Variants in SDK2 observed in about 807,000 individuals in gnomAD.
SDK2 encodes sidekick cell adhesion molecule 2.
SDK2 carries 105 observed loss-of-function variants against 253.9 expected under a neutral mutation model. The ratio of observed to expected loss-of-function variants is 0.41; its 90% confidence interval spans 0.35 to 0.49. The LOEUF is 0.49. Among genes scored for constraint, SDK2 ranks in the 20% least tolerant of loss-of-function variants. SDK2 has a pLI of 0.06. For missense variants in SDK2, 2,608 were observed against 3,003.0 expected (o/e 0.87, Z 3.07); for synonymous variants, 1,249 against 1,234.9 (o/e 1.01, Z -0.24).
chr17:73,450,535 G>A (rs902285444), intron 4 of SDK2, among the ~76,000 whole-genome samples: 7 of 152,168 alleles, frequency 4.6e-5, no homozygotes, highest in African/African-American at 1.7e-4. Flanking sequence ...CAAGCCTCCA[G>A]TGGGCACACT....
chr17:73,637,490 T>C (rs1228531981), intron 1 of SDK2, among the ~76,000 whole-genome samples: 1 of 152,216 alleles, frequency 6.6e-6, no homozygotes, highest in African/African-American at 2.4e-5. Context: ...GCAATTCTCC[T>C]GCCTCAGCCT....
intron 44 of SDK2, among the ~76,000 whole-genome samples, chr17:73,343,245 G>A (rs1234567463): frequency 2.0e-5 from 3 of 152,252 alleles, no homozygotes; most frequent in African/African-American, 7.2e-5. Context: ...CACTAGAAGG[G>A]AGAGCAGGGA....
chr17:73,403,826 G>A (rs949826167), intron 18 of SDK2, among the ~76,000 whole-genome samples: 1 of 152,090 alleles, frequency 6.6e-6, no homozygotes, highest in Admixed American at 6.5e-5. Flanking sequence ...AATATCCTCC[G>A]TATTTCGATT....
At chr17:73,485,576 A>G (rs571038556) in intron 2 of SDK2, among the ~76,000 whole-genome samples, 7 of 152,188 alleles carry the variant, frequency 4.6e-5, no homozygotes, top group Non-Finnish European at 1.0e-4. Context: ...GAGCTTAGCA[A>G]ACTATATTCA....
intron 1 of SDK2, among the ~76,000 whole-genome samples, chr17:73,626,790 C>T (rs762738783): frequency 9.2e-5 from 14 of 152,174 alleles, no homozygotes; most frequent in Non-Finnish European, 2.1e-4. Context: ...TGGGGACAGG[C>T]CTGAGGTTGT....
At chr17:73,595,623 G>A (rs2045746645) in intron 1 of SDK2, among the ~76,000 whole-genome samples, 2 of 152,222 alleles carry the variant, frequency 1.3e-5, no homozygotes, top group Non-Finnish European at 1.5e-5. Flanking sequence ...GCCCAGGCCA[G>A]GCCCAGATGG....
In SDK2 at chr17:73,643,586, C is replaced by G. The variant is rs1377912421; in HGVS notation, c.64+439G>C. On this transcript the variant is annotated intron_variant, in intron 1 of 44. Transcript: ENST00000392650. This position sits in a 1 kb window ranked among gnomAD's most constrained non-coding sequence, Gnocchi z 6.9. Reference sequence around the variant, plus strand: ...ACCCCACTCCCTCGCCCCGGGGAGGCCATCGCCTGCCCGGCAGGGGCCCTG... The same window carrying G: ...ACCCCACTCCCTCGCCCCGGGGAGGGCATCGCCTGCCCGGCAGGGGCCCTG... Among the ~76,000 whole-genome samples the G allele has an allele frequency of 6.6e-6, 1 of 152,034 alleles. No individual in the cohort carries two copies. Among genetic ancestry groups the G allele is most frequent in the Non-Finnish European group, 1.5e-5 (1 of 67,972 alleles).
At chr17:73,417,762 G>A (rs530359551) in intron 16 of SDK2, among the ~76,000 whole-genome samples, 2 of 152,146 alleles carry the variant, frequency 1.3e-5, no homozygotes, top group Admixed American at 1.3e-4. Context: ...AAACACCTGG[G>A]CTACCTACTC....
chr17:73,529,211 C>T (rs1301419794), intron 1 of SDK2, among the ~76,000 whole-genome samples: 3 of 152,044 alleles, frequency 2.0e-5, no homozygotes, highest in Non-Finnish European at 4.4e-5. Flanking sequence ...GAGTGGGAAC[C>T]GGGGAGTCCT....
At chr17:73,477,207 C>T (rs2063692265) in intron 2 of SDK2, among the ~76,000 whole-genome samples, 1 of 152,204 alleles carries the variant, frequency 6.6e-6, no homozygotes, top group Non-Finnish European at 1.5e-5. Flanking sequence ...CCAATGCGCT[C>T]CCTCCTGGGC....
rs1599509366 is a variant in SDK2, at chr17:73,386,457, T to C, written c.4486A>G (p.Thr1496Ala). ...EFSEESESLT[T>A]LQAAPDEAPT... ...AAGGGGTACTGACCAGCCTGCAGGG[T>C]GGTCAGTGACTCCGACTCCTCGCTG... Residue 1496 changes from threonine (T) to alanine (A), a missense_variant, in exon 31 of 45, where the codon ACC becomes GCC. By Grantham distance (58) the Thr-to-Ala change is moderately conservative (BLOSUM62 0). Coordinates refer to ENST00000392650, the MANE Select transcript of SDK2 (RefSeq NM_001144952.2). The C allele has an allele frequency of 2.6e-6, 4 of 1,555,336 alleles. No individual in the cohort carries two copies. The highest frequency in any genetic ancestry group is 3.5e-6 in the Non-Finnish European group (4 of 1,149,050).
chr17:73,435,474 T>C lies in SDK2; in HGVS notation c.1171A>G (p.Thr391Ala). Residue 391 changes from threonine (T) to alanine (A), a missense_variant, in exon 9 of 45, where the codon ACT becomes GCT. Physicochemically the swap from Thr to Ala is moderately conservative, Grantham distance 58. This residue lies in a region of SDK2 where 1,505 missense variants were observed against 1,859.1 expected (regional missense o/e 0.81). Coordinates refer to ENST00000392650, the MANE Select transcript of SDK2 (RefSeq NM_001144952.2). This position sits in a 1 kb window ranked among gnomAD's most constrained non-coding sequence, Gnocchi z 5.7. ...CTGGTGACAGCCAGGTAGGTGGAAG[T>C]TTGCACCTCGCCGGCTGCATTGCGG... ...FARNAAGEVQ[T>A]STYLAVTSIA... 1.3e-6 allele frequency: 2 copies of C among 1,597,290 alleles called. No homozygotes were observed. Among genetic ancestry groups the C allele is most frequent in the Non-Finnish European group, 8.5e-7 (1 of 1,171,932 alleles).
chr17:73,637,602 C>T (rs1025416180), intron 1 of SDK2, among the ~76,000 whole-genome samples: 1 of 152,218 alleles, frequency 6.6e-6, no homozygotes, highest in Admixed American at 6.5e-5. Flanking sequence ...TGGTCTCAAA[C>T]TCCTGACCTC....
chr17:73,512,302 A>G (rs1409085194), intron 1 of SDK2, among the ~76,000 whole-genome samples: 2 of 152,200 alleles, frequency 1.3e-5, no homozygotes, highest in African/African-American at 4.8e-5. Context: ...ATTGATCTAT[A>G]TAAAGATGGA....
intron 1 of SDK2, among the ~76,000 whole-genome samples, chr17:73,590,239 C>G (rs1306795729): frequency 6.6e-6 from 1 of 152,182 alleles, no homozygotes; most frequent in Non-Finnish European, 1.5e-5. Context: ...CCAGAGGGGT[C>G]AGTTCGGAAT....
At chr17:73,382,301 A>T (rs369682782) in intron 33 of SDK2, among the ~76,000 whole-genome samples, 1 of 151,902 alleles carries the variant, frequency 6.6e-6, no homozygotes, top group East Asian at 1.9e-4. Flanking sequence ...CACCCACCTG[A>T]GTACCCAGTC....
At chr17:73,637,598 C>T (rs2046348032) in intron 1 of SDK2, among the ~76,000 whole-genome samples, 1 of 152,222 alleles carries the variant, frequency 6.6e-6, no homozygotes, top group South Asian at 2.1e-4. Context: ...AAGCTGGTCT[C>T]AAACTCCTGA....
At position 73,395,296 on chromosome 17, in the gene SDK2, C is replaced by A; in HGVS notation, c.3451G>T (p.Val1151Leu). ...TCCCGCTCCACACGGTCCTGCACCA[C>A]GTGGCTCAGCGTCTTGCCATGCCCG... ...SDGHGKTLSH[V>L]VQDRVERDYT... Residue 1151 changes from valine (V) to leucine (L), a missense_variant, in exon 25 of 45, where the codon GTG (valine) becomes TTG (leucine). This residue lies in a region of SDK2 where 1,505 missense variants were observed against 1,859.1 expected (regional missense o/e 0.81). Coordinates refer to ENST00000392650, the MANE Select transcript of SDK2 (RefSeq NM_001144952.2). This position sits in a 1 kb window ranked among gnomAD's most constrained non-coding sequence, Gnocchi z 4.3. 1 of 1,613,964 alleles carries A rather than the reference C, an allele frequency of 6.2e-7. No individual in the cohort carries two copies. The highest frequency in any genetic ancestry group is 8.5e-7 in the Non-Finnish European group (1 of 1,179,870).
chr17:73,391,896 A>C (rs1170516982), intron 27 of SDK2, among the ~76,000 whole-genome samples: 1 of 151,980 alleles, frequency 6.6e-6, no homozygotes, highest in Non-Finnish European at 1.5e-5. Flanking sequence ...ACTTCCTTCC[A>C]CCCATGGGGT....
Sources: allele counts gnomAD v4.1 joint callset (sites outside exome capture counted in the v4.1 genomes callset), GRCh38; gene constraint gnomAD v4.1.1; regional missense constraint gnomAD v4.1.1; non-coding constraint Gnocchi (gnomAD v3.1); transcripts MANE v1.5; gene names NCBI Gene and HGNC (gene_info 2026-07-23, HGNC 2026-07-21).